The following NOP2 variants were observed in gnomAD, a reference collection of about 807,000 sequenced individuals.
NOP2 encodes 28S rRNA (cytosine(4447)-C(5))-methyltransferase.
In NOP2, 7 loss-of-function variants were observed where a neutral mutation model predicts 72.7. The ratio of observed to expected loss-of-function variants is 0.10; its 90% CI spans 0.05 to 0.18. The LOEUF (loss-of-function observed/expected upper bound fraction) is 0.18, where lower values mean the gene tolerates loss of function less well. Ranked by LOEUF, NOP2 falls within the 10% of genes least tolerant of loss-of-function variation. NOP2 has a pLI of 1.00. For missense variants in NOP2, 954 were observed against 1,014.7 expected (o/e 0.94, Z 0.81); for synonymous variants, 387 against 388.0 (o/e 1.00, Z 0.03).
chr12:6,562,272 T>C (rs1947672367), intron 9 of NOP2, among the ~76,000 whole-genome samples: 1 of 152,142 alleles, frequency 6.6e-6, no homozygotes, highest in South Asian at 2.1e-4. Context: ...TTACAGGCGT[T>C]GAGTCACCGC....
At position 6,560,113 on chromosome 12, in the gene NOP2, G is replaced by A. The variant is rs765511648; in HGVS notation, c.1774C>T (p.Pro592Ser). 2 of 1,613,126 alleles carry A rather than the reference G, an allele frequency of 1.2e-6. No individual in the cohort carries two copies. The highest frequency in any genetic ancestry group is 4.5e-5 in the East Asian group (2 of 44,878). The change falls in exon 15 of 16, where the codon CCT (proline) becomes TCT (serine). Residue 592 changes from proline to serine, a missense_variant. Transcript: ENST00000322166. This position sits in a 1 kb window ranked among gnomAD's most constrained non-coding sequence, Gnocchi z 5.0. The stretch of plus-strand genomic sequence containing the variant: ...GATTACTTACCTGTCTGGGACTGAG[G>A]GATAGAATTGGAAAATTTCTTGAAC... The part of the protein sequence containing the change: ...AKFKKFSNSI[P>S]QSQTGNSETA...
chr12:6,565,135 T>C (rs1177577842), intron 5 of NOP2, among the ~76,000 whole-genome samples: 2 of 151,732 alleles, frequency 1.3e-5, no homozygotes, highest in African/African-American at 4.9e-5. Flanking sequence ...AGGGAATTAC[T>C]ATGTCAAAAG....
chr12:6,565,566 C>T (rs924758925), intron 5 of NOP2, among the ~76,000 whole-genome samples: 4 of 152,046 alleles, frequency 2.6e-5, no homozygotes, highest in African/African-American at 4.8e-5. Flanking sequence ...TCTCGAACTC[C>T]GGAGCTCAGG....
chr12:6,557,373 C>T lies in NOP2; in HGVS notation c.2059G>A (p.Glu687Lys), dbSNP rs781331024. The T allele has an allele frequency of 4.0e-5, 64 of 1,613,916 alleles. No individual in the cohort carries two copies. The highest frequency in any genetic ancestry group is 1.2e-4 in the Admixed American group (7 of 60,006). ...GTCACCTTTGGCTCCCTGATCCCTT[C>T]GGCTTTTCCAGCTGGCTGACTGCTA... is the stretch of plus-strand genomic sequence containing the variant. ...QDSSQPAGKA[E>K]GIREPKVTGK... Residue 687 changes from glutamate (E) to lysine (K), a missense_variant, in exon 16 of 16, where the codon GAA becomes AAA. This residue lies in a region of NOP2 where 269 missense variants were observed against 260.2 expected (regional missense o/e 1.03). Transcript: ENST00000322166.
intron 11 of NOP2, 96 bp from the exon 12 acceptor site, chr12:6,561,166 T>C: frequency 6.7e-7 from 1 of 1,499,060 alleles, no homozygotes; most frequent in Admixed American, 1.9e-5. Flanking sequence ...AGAAGTGTCA[T>C]CACCTCAAGG....
chr12:6,566,572 A>G lies in NOP2; in HGVS notation c.195T>C (p.Asn65=), dbSNP rs1226750903. The change falls in exon 4 of 16, where the codon AAT becomes AAC. Residue 65 remains asparagine, a synonymous_variant. Transcript: ENST00000322166. Reference sequence around the variant, plus strand: ...GCAATGGTTTGGCCTCAGGAGACTTATTTGTCTTAGGGGCTTCAACAGAGC... The same window carrying G: ...GCAATGGTTTGGCCTCAGGAGACTTGTTTGTCTTAGGGGCTTCAACAGAGC... ...RLGSVEAPKT[N]KSPEAKPLPG... is the part of the protein sequence containing the mutation. The G allele has an allele frequency of 9.3e-6, 15 of 1,613,940 alleles. No homozygotes were observed. The highest frequency in any genetic ancestry group is 1.3e-5 in the Non-Finnish European group (15 of 1,179,884).
chr12:6,559,436 A>T (rs1449254518), intron 15 of NOP2, among the ~76,000 whole-genome samples: 1 of 152,132 alleles, frequency 6.6e-6, no homozygotes, highest in Non-Finnish European at 1.5e-5. Flanking sequence ...GCTAATTCTT[A>T]TATTTTTAGT....
At chr12:6,567,642 A>G in intron 2 of NOP2, 174 bp downstream of exon 2, 2 of 543,358 alleles carry the variant, frequency 3.7e-6, no homozygotes, top group Middle Eastern at 3.0e-4. Flanking sequence ...TCACATCTCT[A>G]CGACCTAAAC....
chr12:6,564,081 A>G (rs1345007514), intron 5 of NOP2, 135 bp from the exon 6 acceptor site: 24 of 1,528,990 alleles, frequency 1.6e-5, no homozygotes, highest in Non-Finnish European at 1.9e-5. Context: ...GGAGCAAAGA[A>G]ATGAAAATAA....
intron 6 of NOP2, 34 bp from the exon 7 acceptor site, chr12:6,563,805 G>A (rs777784608): frequency 1.2e-6 from 2 of 1,612,680 alleles, no homozygotes; most frequent in Admixed American, 1.7e-5. Context: ...GTGATTCACA[G>A]ACCAAAACAG....
rs1250743562 is a variant in NOP2, at chr12:6,556,883, A to G, written c.*110T>C. On this transcript the variant is annotated 3_prime_UTR_variant, in exon 16 of 16. Transcript: ENST00000322166. Reference sequence around the variant, plus strand: ...AATACTCAGTGGCCAGAGGTTTTAAAATGTGTATTAAATTTCATGGGTATG... The same window carrying G: ...AATACTCAGTGGCCAGAGGTTTTAAGATGTGTATTAAATTTCATGGGTATG... The G allele has an allele frequency of 3.8e-6, 5 of 1,305,306 alleles. No homozygotes were observed. Among genetic ancestry groups the G allele is most frequent in the Non-Finnish European group, 5.3e-6 (5 of 945,250 alleles). 80.9% of individuals were successfully genotyped at this position (1,305,306 alleles called of 1,614,324 possible). A position where few individuals can be genotyped will look rare whatever the true frequency, so the allele number is the denominator to read the frequency against.
rs149680019 is a variant in NOP2, at chr12:6,565,848, C to G, written c.474+253G>C. On this transcript the variant is annotated intron_variant, in intron 5 of 15. Coordinates refer to ENST00000322166, the MANE Select transcript of NOP2 (RefSeq NM_001258308.2). ...TGCATTTCTGTGCCCATCAGTGGAG[C>G]ACACCATTGTCCACCTTCCCATACC... Among the ~76,000 whole-genome samples, 17 of 152,242 alleles carry G rather than the reference C, an allele frequency of 1.1e-4. No homozygotes were observed. The East Asian group carries it at 2.1e-3, about 19-fold the overall frequency.
At chr12:6,558,235 G>A in intron 15 of NOP2, 1 of 316,146 alleles carries the variant, frequency 3.2e-6, no homozygotes, top group Non-Finnish European at 6.1e-6. Flanking sequence ...GAAGTAACAA[G>A]ATGCTGTAAG....
At position 6,560,804 on chromosome 12, in the gene NOP2, G is replaced by A. The variant is rs769729064; in HGVS notation, c.1348-17C>T. 6 of 1,610,510 alleles carry A rather than the reference G, an allele frequency of 3.7e-6. No homozygotes were observed. The highest frequency in any genetic ancestry group is 1.1e-5 in the South Asian group (1 of 90,558). On this transcript the variant is annotated splice_polypyrimidine_tract_variant and intron_variant, in intron 12 of 15. Coordinates refer to ENST00000322166, the MANE Select transcript of NOP2 (RefSeq NM_001258308.2). This position sits in a 1 kb window ranked among gnomAD's most constrained non-coding sequence, Gnocchi z 5.0. ...CCCCACCACCTGGAGAAAAGATACA[G>A]ATGAATCATATGTCTCTTCTGCAAC...
In NOP2 at chr12:6,567,796, A is replaced by C. The variant is rs1236837149; in HGVS notation, c.103+20T>G. The C allele has an allele frequency of 1.3e-6, 2 of 1,583,762 alleles. No homozygotes were observed. Among genetic ancestry groups the C allele is most frequent in the Non-Finnish European group, 1.7e-6 (2 of 1,152,846 alleles). On this transcript the variant is annotated intron_variant, in intron 2 of 15. Coordinates refer to ENST00000322166, the MANE Select transcript of NOP2 (RefSeq NM_001258308.2). Reference sequence around the variant, plus strand: ...ATACTGCAAAAGCTGAGGGATCAGGAGGCCACAACTAATCCTTACCTGCAG... The same window carrying C: ...ATACTGCAAAAGCTGAGGGATCAGGCGGCCACAACTAATCCTTACCTGCAG...
At chr12:6,558,434 T>C (rs1162452536) in intron 15 of NOP2, among the ~76,000 whole-genome samples, 1 of 150,620 alleles carries the variant, frequency 6.6e-6, no homozygotes, top group Non-Finnish European at 1.5e-5. Context: ...TCCGGCTAAT[T>C]TTTGTATTTT....
At position 6,563,426 on chromosome 12, in the gene NOP2, T is replaced by G. The variant is rs895543112; in HGVS notation, c.777A>C (p.Glu259Asp). The G allele has an allele frequency of 2.5e-6, 4 of 1,609,192 alleles. No homozygotes were observed. The African/African-American group carries it at 5.3e-5, about 22-fold the overall frequency. ...TCAGGTATTCAGAACGAGACCGCCC[T>G]TCCTCCCGCTGAGCCCCAAAATCAC... is the stretch of plus-strand genomic sequence containing the variant. ...ILRDFGAQRE[E>D]GRSRSEYLNR... The change falls in exon 8 of 16, where the codon GAA becomes GAC. Residue 259 changes from glutamate to aspartate, a missense_variant. Around this residue, in one of 3 missense-constraint regions of NOP2, gnomAD observed 498 missense variants for 478.3 expected, o/e 1.04. Transcript: ENST00000322166.
At position 6,557,007 on chromosome 12, in the gene NOP2, G is replaced by A. The variant is rs773884691; in HGVS notation, c.2425C>T (p.Leu809=). ...KKSQSRGNSQ[L]LLS ...TTTTCAACCATCTAAGATAGCAGCA[G>A]CTGGCTGTTGCCCCTGGACTGAGAT... Residue 809 remains leucine (L), a synonymous_variant, in exon 16 of 16, where the codon CTG becomes TTG. Coordinates refer to ENST00000322166, the MANE Select transcript of NOP2 (RefSeq NM_001258308.2). The A allele has an allele frequency of 6.2e-7, 1 of 1,614,032 alleles. No individual in the cohort carries two copies. Among genetic ancestry groups the A allele is most frequent in the East Asian group, 2.2e-5 (1 of 44,888 alleles).
At position 6,560,598 on chromosome 12, in the gene NOP2, C is replaced by T; in HGVS notation, c.1438-29G>A. The T allele has an allele frequency of 6.2e-7, 1 of 1,601,492 alleles. No individual in the cohort carries two copies. Among genetic ancestry groups the T allele is most frequent in the Non-Finnish European group, 8.5e-7 (1 of 1,171,708 alleles). On this transcript the variant is annotated intron_variant, in intron 13 of 15. Coordinates refer to ENST00000322166, the MANE Select transcript of NOP2 (RefSeq NM_001258308.2). This position sits in a 1 kb window ranked among gnomAD's most constrained non-coding sequence, Gnocchi z 5.0. ...TCCCAAAAAGAGACCCAAAGGCAGC[C>T]TCAGGAGGAGAGGGGAGCCCAGAGG... is the stretch of plus-strand genomic sequence containing the variant.
Sources: allele counts gnomAD v4.1 joint callset (sites outside exome capture counted in the v4.1 genomes callset), GRCh38; gene constraint gnomAD v4.1.1; regional missense constraint gnomAD v4.1.1; non-coding constraint Gnocchi (gnomAD v3.1); transcripts MANE v1.5; gene names NCBI Gene and HGNC (gene_info 2026-07-23, HGNC 2026-07-21).